The following ADK variants were observed in gnomAD, a reference collection of about 807,000 sequenced individuals.
ADK encodes the protein N6,N6-dimethyladenosine kinase.
In ADK, 24 loss-of-function variants were observed where a neutral mutation model predicts 44.7. The observed-to-expected ratio is 0.54, with a 90% confidence interval of 0.39 to 0.76. ADK has a LOEUF of 0.76. Among genes scored for constraint, ADK ranks in the 30% least tolerant of loss-of-function variants. The pLI is 0.00. For synonymous variants in ADK, 128 were observed against 142.6 expected (o/e 0.90, Z 0.73); for missense variants, 321 against 425.1 (o/e 0.76, Z 2.15).
At chr10:74,279,069 A>G (rs1000784841) in intron 3 of ADK, among the ~76,000 whole-genome samples, 1 of 147,184 alleles carries the variant, frequency 6.8e-6, no homozygotes, top group African/African-American at 2.5e-5. Flanking sequence ...TCACGAGATC[A>G]GGAATTCAAG....
At chr10:74,152,153 C>T (rs1841613661) in intron 1 of ADK, among the ~76,000 whole-genome samples, 2 of 152,146 alleles carry the variant, frequency 1.3e-5, no homozygotes, top group African/African-American at 2.4e-5. Context: ...ACTATTAGGA[C>T]ACTCCTGATT....
intron 3 of ADK, among the ~76,000 whole-genome samples, chr10:74,301,281 G>A (rs894158111): frequency 9.2e-5 from 14 of 152,082 alleles, no homozygotes; most frequent in Admixed American, 7.2e-4. Context: ...TTGGGAGGCC[G>A]AGGCAGGTGG....
chr10:74,441,850 T>A (rs1449757813), intron 6 of ADK, among the ~76,000 whole-genome samples: 2 of 152,110 alleles, frequency 1.3e-5, no homozygotes, highest in African/African-American at 2.4e-5. Flanking sequence ...AAGGAACTCA[T>A]ACAACTCAAT....
At chr10:74,697,668 A>C (rs1856257664) in intron 10 of ADK, among the ~76,000 whole-genome samples, 1 of 152,158 alleles carries the variant, frequency 6.6e-6, no homozygotes, top group Admixed American at 6.5e-5. Flanking sequence ...TTCCTTCTAA[A>C]ATATCCCTAG....
chr10:74,619,012 TTGTGTGTGTGTGTG>T (rs56168944), intron 9 of ADK, among the ~76,000 whole-genome samples: 125 of 139,472 alleles, frequency 9.0e-4, no homozygotes, highest in African/African-American at 1.3e-3. Flanking sequence ...TTTATGCTCT[TTGTGTGTGTGTGTG>T]TGTGTGTGTG....
chr10:74,342,260 C>A (rs1841606327), intron 4 of ADK, among the ~76,000 whole-genome samples: 1 of 152,048 alleles, frequency 6.6e-6, no homozygotes. Flanking sequence ...ATAAAATTTT[C>A]CATGAATGTG....
chr10:74,692,918 C>G (rs1386838162), intron 10 of ADK, among the ~76,000 whole-genome samples: 1 of 152,076 alleles, frequency 6.6e-6, no homozygotes, highest in Non-Finnish European at 1.5e-5. Flanking sequence ...CAACTCAAGA[C>G]TGTATATCAC....
At chr10:74,427,368 T>G (rs1205309685) in intron 6 of ADK, among the ~76,000 whole-genome samples, 3 of 152,010 alleles carry the variant, frequency 2.0e-5, no homozygotes, top group Non-Finnish European at 4.4e-5. Flanking sequence ...CTGGCTAATT[T>G]TTTGTATTTT....
chr10:74,319,725 C>T (rs1373659371), intron 4 of ADK, among the ~76,000 whole-genome samples: 1 of 152,072 alleles, frequency 6.6e-6, no homozygotes, highest in Non-Finnish European at 1.5e-5. Flanking sequence ...TTGATACCTT[C>T]TTCCTTTTCT....
intron 6 of ADK, among the ~76,000 whole-genome samples, chr10:74,416,522 A>G (rs1844379227): frequency 6.6e-6 from 1 of 150,650 alleles, no homozygotes; most frequent in Non-Finnish European, 1.5e-5. Flanking sequence ...CTTGTTCTCT[A>G]TACGGATTTC....
chr10:74,611,355 A>C (rs1852537439), intron 9 of ADK, among the ~76,000 whole-genome samples: 2 of 152,118 alleles, frequency 1.3e-5, no homozygotes, highest in African/African-American at 4.8e-5. Flanking sequence ...ACTTTTCTGA[A>C]CACTCAGAAT....
intron 6 of ADK, among the ~76,000 whole-genome samples, chr10:74,438,099 T>TCCAACCC (rs1845248235): frequency 6.6e-6 from 1 of 152,150 alleles, no homozygotes; most frequent in African/African-American, 2.4e-5. Context: ...ATAATATCCC[T>TCCAACCC]CCAACCCCCA....
At chr10:74,416,035 C>T (rs7091823) in intron 6 of ADK, among the ~76,000 whole-genome samples, 6,605 of 23,062 alleles carry the variant, frequency 0.29, 494 homozygotes, top group African/African-American at 0.44. Context: ...TACATATATA[C>T]ACACACACAC....
At chr10:74,416,872 G>T (rs1175136921) in intron 6 of ADK, among the ~76,000 whole-genome samples, 1 of 151,672 alleles carries the variant, frequency 6.6e-6, no homozygotes, top group Non-Finnish European at 1.5e-5. Context: ...TTCCAGAGAG[G>T]TACACATATA....
chr10:74,469,550 G>C (rs1282829743), intron 6 of ADK, among the ~76,000 whole-genome samples: 1 of 152,042 alleles, frequency 6.6e-6, no homozygotes, highest in Non-Finnish European at 1.5e-5. Context: ...TTTTTGTAGA[G>C]CTGGGGTTTT....
intron 9 of ADK, among the ~76,000 whole-genome samples, chr10:74,652,286 C>T (rs1266504966): frequency 6.6e-6 from 1 of 151,320 alleles, no homozygotes; most frequent in Non-Finnish European, 1.5e-5. Flanking sequence ...TCAGGTGATC[C>T]ACCCACCTTG....
intron 1 of ADK, among the ~76,000 whole-genome samples, chr10:74,163,908 A>G (rs1343796357): frequency 6.6e-6 from 1 of 152,220 alleles, no homozygotes; most frequent in East Asian, 1.9e-4. Flanking sequence ...AATTTTTTAA[A>G]ATAGTTTTTT....
At chr10:74,275,648 A>G (rs890901656) in intron 3 of ADK, among the ~76,000 whole-genome samples, 1 of 152,070 alleles carries the variant, frequency 6.6e-6, no homozygotes, top group East Asian at 1.9e-4. Flanking sequence ...ACTTAGAAAC[A>G]TTCTTTTCTT....
intron 3 of ADK, among the ~76,000 whole-genome samples, chr10:74,294,949 G>A (rs1487284500): frequency 1.3e-5 from 2 of 152,016 alleles, no homozygotes; most frequent in African/African-American, 4.8e-5. Flanking sequence ...TCCGCCTCCT[G>A]GGTTCAAGTG....
Sources: gnomAD v4.1 joint callset for allele counts (sites outside exome capture counted in the v4.1 genomes callset) on GRCh38, gnomAD v4.1.1 for gene constraint, MANE v1.5 for transcripts, NCBI Gene and HGNC (gene_info 2026-07-23, HGNC 2026-07-21) for gene names.